The following IMMP2L variants were observed in gnomAD, a reference collection of about 807,000 sequenced individuals.
IMMP2L encodes the protein inner mitochondrial membrane peptidase subunit 2.
Under a neutral mutation model 19.3 loss-of-function variants are expected in IMMP2L, and 18 were observed. The ratio of observed to expected loss-of-function variants is 0.93; its 90% CI spans 0.64 to 1.38. The LOEUF (loss-of-function observed/expected upper bound fraction) is 1.38, where lower values mean the gene tolerates loss of function less well. Ranked by LOEUF, IMMP2L falls within the 40% of genes most tolerant of loss-of-function variation. The pLI, the probability that IMMP2L is intolerant of heterozygous loss-of-function variation, is 0.00. For synonymous variants in IMMP2L, 76 were observed against 73.0 expected, an observed-to-expected ratio of 1.04 and a Z score of -0.21; for missense variants, 233 against 218.2, an observed-to-expected ratio of 1.07 and a Z score of -0.43.
chr7:111,352,386 T>A (rs1289482342), intron 3 of IMMP2L, among the ~76,000 whole-genome samples: 1 of 150,896 alleles, frequency 6.6e-6, no homozygotes, highest in Admixed American at 6.6e-5. Context: ...TTTTTTTTTT[T>A]TTGATAGAGA....
chr7:111,312,517 C>A (rs115341974), intron 3 of IMMP2L, among the ~76,000 whole-genome samples: 1 of 152,060 alleles, frequency 6.6e-6, no homozygotes, highest in South Asian at 2.1e-4. Flanking sequence ...TCTCTGTTTA[C>A]GTGACTATCC....
chr7:111,512,894 T>C (rs1387216338), intron 2 of IMMP2L, among the ~76,000 whole-genome samples: 1 of 151,984 alleles, frequency 6.6e-6, no homozygotes. Flanking sequence ...AAACTGAATA[T>C]CCACATGAAG....
At chr7:111,530,404 A>G (rs992485939) in intron 1 of IMMP2L, among the ~76,000 whole-genome samples, 2 of 152,186 alleles carry the variant, frequency 1.3e-5, no homozygotes, top group African/African-American at 4.8e-5. Context: ...CCCATCTTCT[A>G]GGTGATAAGA....
intron 5 of IMMP2L, among the ~76,000 whole-genome samples, chr7:110,692,801 G>A (rs919488175): frequency 1.3e-5 from 2 of 152,164 alleles, no homozygotes; most frequent in South Asian, 2.1e-4. Context: ...ATGAAAGGCA[G>A]GAGATTGTAT....
chr7:111,440,963 T>A (rs1340882522), intron 3 of IMMP2L, among the ~76,000 whole-genome samples: 2 of 151,904 alleles, frequency 1.3e-5, no homozygotes, highest in African/African-American at 2.4e-5. Flanking sequence ...CCTCATGAAC[T>A]CAGCTCTGCT....
chr7:110,712,870 G>A lies in IMMP2L; in HGVS notation c.409-49149C>T, dbSNP rs1379629145. On this transcript the variant is annotated intron_variant, in intron 5 of 5. Coordinates refer to ENST00000405709, the MANE Select transcript of IMMP2L (RefSeq NM_032549.4). ...GCAATGCCTCACCCTGCTTCGGCTCGCGCACAGTGCGCACACACACTGGCC... is the reference window on the plus strand; with the variant it reads ...GCAATGCCTCACCCTGCTTCGGCTCACGCACAGTGCGCACACACACTGGCC... 4.7e-5 allele frequency among the ~76,000 whole-genome samples: 6 copies of A among 127,854 alleles called. 1 individual carries two copies. The highest frequency in any genetic ancestry group is 8.0e-5 in the Admixed American group (1 of 12,530). The allele number at this position is 127,854 out of a possible 152,430, so 83.9% of individuals were successfully genotyped here. A position where few individuals can be genotyped will look rare whatever the true frequency, so the allele number is the denominator to read the frequency against.
At chr7:111,432,972 A>G (rs1230441516) in intron 3 of IMMP2L, among the ~76,000 whole-genome samples, 1 of 151,700 alleles carries the variant, frequency 6.6e-6, no homozygotes, top group Non-Finnish European at 1.5e-5. Context: ...AAAGAAAAAA[A>G]AAAACACACC....
Position 111,191,615 on chromosome 7 carries a change from T to C in IMMP2L, c.240-228050A>G, listed in dbSNP as rs575762604. Among the ~76,000 whole-genome samples the C allele has an allele frequency of 1.9e-3, 282 of 152,204 alleles. 1 individual carries two copies. The highest frequency in any genetic ancestry group is 3.4e-3 in the Non-Finnish European group (231 of 68,026). On this transcript the variant is annotated intron_variant, in intron 3 of 5. Coordinates refer to ENST00000405709, the MANE Select transcript of IMMP2L (RefSeq NM_032549.4). The stretch of plus-strand genomic sequence containing the variant: ...GGAAGTATTCCTCCTGACAGGTCAG[T>C]AGTAGCACAAACTGGCTTCTAAGGT...
chr7:110,972,378 C>A (rs2129556753), intron 3 of IMMP2L, among the ~76,000 whole-genome samples: 1 of 152,108 alleles, frequency 6.6e-6, no homozygotes, highest in East Asian at 1.9e-4. Flanking sequence ...AATGCTTTAA[C>A]CTAAATAATA....
chr7:111,378,417 T>G (rs904696355), intron 3 of IMMP2L, among the ~76,000 whole-genome samples: 1 of 152,006 alleles, frequency 6.6e-6, no homozygotes, highest in Non-Finnish European at 1.5e-5. Flanking sequence ...TAAATATATT[T>G]AAGACAAAAA....
At chr7:111,250,113 C>T (rs969575839) in intron 3 of IMMP2L, among the ~76,000 whole-genome samples, 2 of 152,222 alleles carry the variant, frequency 1.3e-5, no homozygotes, top group East Asian at 3.9e-4. Flanking sequence ...ACACCAACAA[C>T]AGAAAAGCGG....
intron 5 of IMMP2L, among the ~76,000 whole-genome samples, chr7:110,747,087 G>A (rs1426888123): frequency 1.3e-5 from 2 of 152,126 alleles, no homozygotes; most frequent in African/African-American, 2.4e-5. Flanking sequence ...AATTCCCACA[G>A]AAATATAAAC....
At chr7:111,143,936 C>T (rs1803200093) in intron 3 of IMMP2L, among the ~76,000 whole-genome samples, 1 of 152,016 alleles carries the variant, frequency 6.6e-6, no homozygotes, top group Non-Finnish European at 1.5e-5. Context: ...TTTCTATTTC[C>T]CTTATTCATT....
chr7:111,469,945 A>C (rs1312857829), intron 3 of IMMP2L, among the ~76,000 whole-genome samples: 4 of 152,118 alleles, frequency 2.6e-5, no homozygotes, highest in Non-Finnish European at 4.4e-5. Context: ...GCAACCTACA[A>C]AATGGGAGAA....
intron 5 of IMMP2L, among the ~76,000 whole-genome samples, chr7:110,678,323 C>T (rs1792469157): frequency 6.6e-6 from 1 of 152,064 alleles, no homozygotes; most frequent in Admixed American, 6.6e-5. Context: ...TTACATATGG[C>T]ATAGACATAG....
chr7:111,034,692 T>C (rs1190524548), intron 3 of IMMP2L, among the ~76,000 whole-genome samples: 2 of 152,130 alleles, frequency 1.3e-5, no homozygotes, highest in Non-Finnish European at 2.9e-5. Flanking sequence ...TGTCTAATAA[T>C]TTCTGCACAG....
chr7:111,187,723 T>C (rs1808424673), intron 3 of IMMP2L, among the ~76,000 whole-genome samples: 1 of 152,140 alleles, frequency 6.6e-6, no homozygotes, highest in Non-Finnish European at 1.5e-5. Context: ...GCTTTACAAA[T>C]ACCAACTCAA....
At chr7:111,212,738 TAC>T (rs1425692890) in intron 3 of IMMP2L, among the ~76,000 whole-genome samples, 1 of 152,222 alleles carries the variant, frequency 6.6e-6, no homozygotes, top group African/African-American at 2.4e-5. Context: ...AAATAATTGT[TAC>T]ACACAGTGGG....
chr7:111,550,744 T>C (rs1022345523), intron 1 of IMMP2L, among the ~76,000 whole-genome samples: 5 of 152,192 alleles, frequency 3.3e-5, no homozygotes, highest in Non-Finnish European at 5.9e-5. Flanking sequence ...GCTAACCTTC[T>C]GCACAGCTCT....
Sources: allele counts gnomAD v4.1 joint callset (sites outside exome capture counted in the v4.1 genomes callset), GRCh38; gene constraint gnomAD v4.1.1; transcripts MANE v1.5; gene names NCBI Gene and HGNC (gene_info 2026-07-23, HGNC 2026-07-21).